NIM1K: variants seen among roughly 807,000 people sequenced by gnomAD.
NIM1K encodes the protein NIM1 serine/threonine protein kinase.
NIM1K carries 35 observed loss-of-function variants against 37.1 expected under a neutral mutation model. That is an observed-to-expected ratio of 0.94 (90% CI 0.72 to 1.25). NIM1K has a LOEUF of 1.25. Among genes scored for constraint, NIM1K ranks in the 50% most tolerant of loss-of-function variants. NIM1K has a pLI of 0.00. For missense variants in NIM1K, 564 were observed against 548.0 expected, an observed-to-expected ratio of 1.03 and a Z score of -0.29; for synonymous variants, 234 against 206.6, an observed-to-expected ratio of 1.13 and a Z score of -1.14.
chr5:43,233,595 T>C (rs1055013689), intron 1 of NIM1K, among the ~76,000 whole-genome samples: 6 of 152,254 alleles, frequency 3.9e-5, no homozygotes, highest in Admixed American at 3.3e-4. Context: ...TTCTTGAGTT[T>C]TGCTCAAATA....
intron 1 of NIM1K, among the ~76,000 whole-genome samples, chr5:43,240,541 T>C (rs1383430533): frequency 2.8e-5 from 4 of 145,398 alleles, no homozygotes; most frequent in Admixed American, 7.2e-5. Context: ...TCCTCTTTCT[T>C]ACACTTTTTT....
At chr5:43,234,687 T>C (rs1752591957) in intron 1 of NIM1K, among the ~76,000 whole-genome samples, 1 of 152,214 alleles carries the variant, frequency 6.6e-6, no homozygotes, top group Non-Finnish European at 1.5e-5. Flanking sequence ...CAGGTTGGAA[T>C]GCAGTGGCGC....
intron 1 of NIM1K, among the ~76,000 whole-genome samples, chr5:43,224,065 G>GT (rs376822728): frequency 0.019 from 2,766 of 146,184 alleles, 105 homozygotes; most frequent in East Asian, 0.16. Context: ...TTGTCTTTTT[G>GT]TTTTTTTTTT....
intron 1 of NIM1K, among the ~76,000 whole-genome samples, chr5:43,209,913 C>T (rs1752179055): frequency 6.6e-6 from 1 of 152,188 alleles, no homozygotes; most frequent in African/African-American, 2.4e-5. Context: ...CCACACCCGG[C>T]CCCGTGCTAC....
intron 1 of NIM1K, among the ~76,000 whole-genome samples, chr5:43,238,865 C>T (rs567733414): frequency 6.8e-6 from 1 of 147,182 alleles, no homozygotes; most frequent in African/African-American, 2.5e-5. Flanking sequence ...ACAACACAGA[C>T]TTTTACCTAA....
intron 3 of NIM1K, among the ~76,000 whole-genome samples, chr5:43,278,823 A>G (rs1305579850): frequency 3.3e-5 from 5 of 152,180 alleles, no homozygotes; most frequent in Non-Finnish European, 7.4e-5. Flanking sequence ...GGAGGAAGAA[A>G]AAGAAGTGAG....
chr5:43,242,423 GT>G (rs1752716619), intron 1 of NIM1K, among the ~76,000 whole-genome samples: 1 of 151,708 alleles, frequency 6.6e-6, no homozygotes, highest in Non-Finnish European at 1.5e-5. Context: ...CCTGGTGCCT[GT>G]GGGGAGCTGA....
rs188088124 is a variant in NIM1K at position 43,217,801 on chromosome 5, G to A, written c.-695+25390G>A. 3.2e-3 allele frequency among the ~76,000 whole-genome samples: 426 copies of A among 134,340 alleles called. 2 individuals carry two copies. The highest frequency in any genetic ancestry group is 0.012 in the African/African-American group (405 of 35,042). The allele number at this position is 134,340 out of a possible 152,430, so 88.1% of individuals were successfully genotyped here. A position where few individuals can be genotyped will look rare whatever the true frequency, so the allele number is the denominator to read the frequency against. ...ACTATCTTGGCTCACTGCAACCTCC[G>A]CCTGAGTTCAAGAAATTCTCCTGCC... On this transcript the variant is annotated intron_variant, in intron 1 of 3. Coordinates refer to ENST00000326035, the MANE Select transcript of NIM1K (RefSeq NM_153361.4).
Position 43,276,919 on chromosome 5 carries a change from G to C in NIM1K, c.293-138G>C, listed in dbSNP as rs917430038. On this transcript the variant is annotated intron_variant, in intron 2 of 3. Coordinates refer to ENST00000326035, the MANE Select transcript of NIM1K (RefSeq NM_153361.4). ...TGATGCTGGGCTTAAGCATTGCTTTGTCATTCCCTGATGAGCTCTCTCAGC... is the reference window on the plus strand; with the variant it reads ...TGATGCTGGGCTTAAGCATTGCTTTCTCATTCCCTGATGAGCTCTCTCAGC... 15 of 835,536 alleles carry C rather than the reference G, an allele frequency of 1.8e-5. No individual in the cohort carries two copies. The African/African-American group carries it at 2.4e-4, about 13-fold the overall frequency. 51.8% of individuals were successfully genotyped at this position (835,536 alleles called of 1,614,324 possible). A position where few individuals can be genotyped will look rare whatever the true frequency, so the allele number is the denominator to read the frequency against.
At chr5:43,250,266 A>T (rs2112268466) in intron 2 of NIM1K, among the ~76,000 whole-genome samples, 1 of 152,260 alleles carries the variant, frequency 6.6e-6, no homozygotes, top group South Asian at 2.1e-4. Context: ...TATATTATCT[A>T]TATATGTGTA....
chr5:43,252,464 G>A lies in NIM1K; in HGVS notation c.292+6397G>A, dbSNP rs555736986. ...ACCAACTTGCCCAGAATTGTCATCC[G>A]GTTTTCTAGGAATATAAGGACAGTT... On this transcript the variant is annotated intron_variant, in intron 2 of 3. Transcript: ENST00000326035. Among the ~76,000 whole-genome samples, 60 of 152,090 alleles carry A rather than the reference G, an allele frequency of 3.9e-4. No individual in the cohort carries two copies. The South Asian group carries it at 6.8e-3, about 17-fold the overall frequency.
At chr5:43,264,185 T>A (rs959365501) in intron 2 of NIM1K, among the ~76,000 whole-genome samples, 2 of 152,216 alleles carry the variant, frequency 1.3e-5, no homozygotes, top group Non-Finnish European at 2.9e-5. Flanking sequence ...TTGTTAACTT[T>A]CTGTCTCATT....
rs1359376002 is a variant in NIM1K at position 43,277,209 on chromosome 5, G to A, written c.445G>A (p.Val149Met). The stretch of plus-strand genomic sequence containing the variant: ...GGAGACCCTATCCAAGCTGCACTTG[G>A]TGATGGAGTATGCAGGGGGTGGGGA... ...VVETLSKLHL[V>M]MEYAGGGELF... The change falls in exon 3 of 4, where the codon GTG (valine) becomes ATG (methionine). Residue 149 changes from valine (V) to methionine (M), a missense_variant. Transcript: ENST00000326035. The A allele has an allele frequency of 1.2e-6, 2 of 1,614,114 alleles. No individual in the cohort carries two copies. Among genetic ancestry groups the A allele is most frequent in the Non-Finnish European group, 1.7e-6 (2 of 1,180,004 alleles).
At chr5:43,204,777 CG>C (rs1173538786) in intron 1 of NIM1K, among the ~76,000 whole-genome samples, 2 of 150,100 alleles carry the variant, frequency 1.3e-5, no homozygotes, top group South Asian at 2.1e-4. Context: ...GAGGCTGAGG[CG>C]GGTGGATTAC....
At chr5:43,269,285 G>C (rs1162323935) in intron 2 of NIM1K, among the ~76,000 whole-genome samples, 1 of 115,256 alleles carries the variant, frequency 8.7e-6, no homozygotes, top group Admixed American at 1.2e-4. Context: ...CTCCAGCCTG[G>C]GCAACAAAGT....
chr5:43,207,741 A>AGATC (rs1456701238), intron 1 of NIM1K: 31 of 474,126 alleles, frequency 6.5e-5, no homozygotes, highest in African/African-American at 6.2e-4. Flanking sequence ...TTCTCAAAGG[A>AGATC]GATCGTCTGT....
intron 1 of NIM1K, among the ~76,000 whole-genome samples, chr5:43,208,766 G>A (rs948705246): frequency 1.3e-5 from 2 of 152,206 alleles, no homozygotes; most frequent in Non-Finnish European, 2.9e-5. Flanking sequence ...CTTTCCTTGA[G>A]GCTGGATATT....
At chr5:43,259,548 T>C (rs1752997345) in intron 2 of NIM1K, among the ~76,000 whole-genome samples, 1 of 152,238 alleles carries the variant, frequency 6.6e-6, no homozygotes, top group Admixed American at 6.5e-5. Flanking sequence ...TAGAGTGTTT[T>C]TCCATATGTT....
intron 2 of NIM1K, among the ~76,000 whole-genome samples, chr5:43,262,491 CT>C (rs1249691100): frequency 6.6e-6 from 1 of 152,164 alleles, no homozygotes; most frequent in Non-Finnish European, 1.5e-5. Flanking sequence ...TCTTTATCAG[CT>C]TAAGGAGATT....
Sources: allele counts gnomAD v4.1 joint callset (sites outside exome capture counted in the v4.1 genomes callset), GRCh38; gene constraint gnomAD v4.1.1; transcripts MANE v1.5; gene names NCBI Gene and HGNC (gene_info 2026-07-23, HGNC 2026-07-21).